CHST11: variants seen among roughly 807,000 people sequenced by gnomAD.
CHST11 encodes C4S-1.
A neutral mutation model predicts 30.4 loss-of-function variants in CHST11; 9 were observed. The ratio of observed to expected loss-of-function variants is 0.30; its 90% CI spans 0.18 to 0.52. The LOEUF (loss-of-function observed/expected upper bound fraction) is 0.52. Ranked by LOEUF, CHST11 falls within the 20% of genes least tolerant of loss-of-function variation. The pLI is 0.97. For synonymous variants in CHST11, 152 were observed against 187.8 expected (o/e 0.81, Z 1.56); for missense variants, 348 against 460.6 (o/e 0.76, Z 2.24).
chr12:104,523,267 C>T (rs1482843343), intron 1 of CHST11, among the ~76,000 whole-genome samples: 3 of 152,218 alleles, frequency 2.0e-5, no homozygotes, highest in African/African-American at 7.2e-5. Flanking sequence ...TGTCCCTCCT[C>T]CTCTGGCTGG....
intron 2 of CHST11, among the ~76,000 whole-genome samples, chr12:104,692,887 A>C (rs1234772861): frequency 2.6e-5 from 4 of 151,290 alleles, no homozygotes; most frequent in African/African-American, 7.3e-5. Context: ...TTAAAAAAAA[A>C]AAACAAAAAA....
chr12:104,510,194 TC>T (rs1433073747), intron 1 of CHST11, among the ~76,000 whole-genome samples: 1 of 152,200 alleles, frequency 6.6e-6, no homozygotes, highest in Non-Finnish European at 1.5e-5. Context: ...ACCTCACACA[TC>T]AGTGTTTATG....
chr12:104,560,468 G>A (rs549826566), intron 1 of CHST11, among the ~76,000 whole-genome samples: 1 of 152,238 alleles, frequency 6.6e-6, no homozygotes, highest in East Asian at 1.9e-4. Context: ...AATTTGATGT[G>A]TGCTATTCAA....
At chr12:104,675,211 C>T (rs1461739288) in intron 2 of CHST11, among the ~76,000 whole-genome samples, 5 of 152,116 alleles carry the variant, frequency 3.3e-5, no homozygotes, top group African/African-American at 4.8e-5. Context: ...AAGTAGATGA[C>T]GATAGTCGTC....
chr12:104,639,848 A>C (rs1022279448), intron 2 of CHST11, among the ~76,000 whole-genome samples: 1 of 152,086 alleles, frequency 6.6e-6, no homozygotes, highest in Non-Finnish European at 1.5e-5. Flanking sequence ...AAAGACTCAT[A>C]TACCAAATAT....
chr12:104,556,604 GCCTCTAT>G lies in CHST11; in HGVS notation c.119-45297_119-45291del, dbSNP rs977034107. On this transcript the variant is annotated intron_variant, in intron 1 of 2. Coordinates refer to ENST00000303694, the MANE Select transcript of CHST11 (RefSeq NM_018413.6). ...CCGTAGACACGTCTCTCCAGGCTCTGCCTCTATCCTCACCTGACATTCTGCCCTGTGT... is the reference window on the plus strand; with the variant it reads ...CCGTAGACACGTCTCTCCAGGCTCTGCCTCACCTGACATTCTGCCCTGTGT... Among the ~76,000 whole-genome samples the G allele has an allele frequency of 3.0e-4, 45 of 152,262 alleles. 1 individual carries two copies. The highest frequency in any genetic ancestry group is 5.0e-4 in the Non-Finnish European group (34 of 68,010).
At chr12:104,692,966 A>T (rs1333911905) in intron 2 of CHST11, among the ~76,000 whole-genome samples, 2 of 151,802 alleles carry the variant, frequency 1.3e-5, no homozygotes, top group Non-Finnish European at 2.9e-5. Context: ...AACCACAGAA[A>T]TTTATTGTCT....
chr12:104,576,421 G>C (rs566416129), intron 1 of CHST11, among the ~76,000 whole-genome samples: 46 of 152,238 alleles, frequency 3.0e-4, no homozygotes, highest in African/African-American at 1.1e-3. Context: ...TGGAGGGCTG[G>C]GCCTGGAATC....
intron 2 of CHST11, among the ~76,000 whole-genome samples, chr12:104,686,427 T>C (rs965794942): frequency 6.6e-6 from 1 of 152,008 alleles, no homozygotes; most frequent in African/African-American, 2.4e-5. Flanking sequence ...GACTAGAAAG[T>C]TGGTTGATGA....
At chr12:104,666,176 T>G (rs886970199) in intron 2 of CHST11, among the ~76,000 whole-genome samples, 1 of 152,180 alleles carries the variant, frequency 6.6e-6, no homozygotes, top group Admixed American at 6.5e-5. Flanking sequence ...GAATACTTTA[T>G]TTAAATTGCT....
chr12:104,496,139 CACA>C, intron 1 of CHST11, among the ~76,000 whole-genome samples: 1 of 152,282 alleles, frequency 6.6e-6, no homozygotes, highest in African/African-American at 2.4e-5. Flanking sequence ...AGGAGAGAGG[CACA>C]ACATTTTTTT....
At chr12:104,549,664 G>T (rs2038386851) in intron 1 of CHST11, among the ~76,000 whole-genome samples, 1 of 152,190 alleles carries the variant, frequency 6.6e-6, no homozygotes, top group South Asian at 2.1e-4. Context: ...GAAGCTGGTT[G>T]GAAGGCCGAG....
intron 1 of CHST11, among the ~76,000 whole-genome samples, chr12:104,544,775 C>CCCGCCCCCCCCCG (rs1555231410): frequency 8.3e-6 from 1 of 120,756 alleles, no homozygotes; most frequent in Non-Finnish European, 1.8e-5. Context: ...ACAGTCCCCC[C>CCCGCCCCCCCCCG]ACCCCGGAGA....
intron 1 of CHST11, among the ~76,000 whole-genome samples, chr12:104,563,640 C>T (rs2038534849): frequency 6.6e-6 from 1 of 152,152 alleles, no homozygotes; most frequent in African/African-American, 2.4e-5. Context: ...TTAATAGCCT[C>T]GCAGAACATG....
intron 2 of CHST11, among the ~76,000 whole-genome samples, chr12:104,725,318 T>C (rs1227094984): frequency 1.3e-5 from 2 of 152,202 alleles, no homozygotes; most frequent in Non-Finnish European, 2.9e-5. Flanking sequence ...TAGATGAGCC[T>C]GAGGCCGTGG....
chr12:104,629,316 T>C (rs1169263545), intron 2 of CHST11, among the ~76,000 whole-genome samples: 2 of 152,194 alleles, frequency 1.3e-5, no homozygotes, highest in African/African-American at 2.4e-5. Context: ...GGCTACAGTC[T>C]CATGTGAAGC....
chr12:104,755,481 C>A (rs568940838), intron 2 of CHST11, among the ~76,000 whole-genome samples: 2 of 151,938 alleles, frequency 1.3e-5, no homozygotes, highest in East Asian at 3.9e-4. Context: ...GTGTGTGGGG[C>A]CATGAAGAAT....
chr12:104,522,745 G>A (rs759258213), intron 1 of CHST11, among the ~76,000 whole-genome samples: 8 of 152,132 alleles, frequency 5.3e-5, no homozygotes, highest in African/African-American at 1.9e-4. Context: ...GCCTCCTAAA[G>A]TGCTGGAATT....
At chr12:104,678,030 A>G (rs1443647564) in intron 2 of CHST11, among the ~76,000 whole-genome samples, 2 of 152,130 alleles carry the variant, frequency 1.3e-5, no homozygotes, top group Non-Finnish European at 2.9e-5. Flanking sequence ...GCCTTCTCCA[A>G]CCTTCCAGGC....
Sources: allele counts gnomAD v4.1 joint callset (sites outside exome capture counted in the v4.1 genomes callset), GRCh38; gene constraint gnomAD v4.1.1; transcripts MANE v1.5; gene names NCBI Gene and HGNC (gene_info 2026-07-23, HGNC 2026-07-21).